The following ZNF407 variants were observed in gnomAD, a reference collection of about 807,000 sequenced individuals.
ZNF407 encodes zinc finger protein 407.
A neutral mutation model predicts 131.2 loss-of-function variants in ZNF407; 17 were observed. The observed-to-expected ratio is 0.13, with a 90% CI of 0.09 to 0.19. The LOEUF is 0.19. Among genes scored for constraint, ZNF407 ranks in the 10% least tolerant of loss-of-function variants. The pLI is 1.00. For synonymous variants in ZNF407, 1,156 were observed against 1,062.0 expected, an observed-to-expected ratio of 1.09 and a Z score of -1.72; for missense variants, 2,681 against 2,830.6, an observed-to-expected ratio of 0.95 and a Z score of 1.20.
chr18:74,637,112 A>T (rs944652502), intron 2 of ZNF407, among the ~76,000 whole-genome samples: 1 of 152,222 alleles, frequency 6.6e-6, no homozygotes, highest in Non-Finnish European at 1.5e-5. Flanking sequence ...ATTATAGTCA[A>T]TAAGTCTTGT....
chr18:74,969,171 G>A (rs747014223), intron 8 of ZNF407, among the ~76,000 whole-genome samples: 14 of 152,094 alleles, frequency 9.2e-5, no homozygotes, highest in Admixed American at 1.3e-4. Flanking sequence ...TTTGTTTCAC[G>A]AGAGTTTATA....
Position 75,063,897 on chromosome 18 carries a change from T to C in ZNF407, c.6176T>C (p.Val2059Ala). The change falls in exon 9 of 9, where the codon GTG becomes GCG. Residue 2059 changes from valine (V) to alanine (A), a missense_variant. Physicochemically the swap from Val to Ala is moderately conservative, Grantham distance 64. Coordinates refer to ENST00000299687, the MANE Select transcript of ZNF407 (RefSeq NM_017757.3). This position sits in a 1 kb window ranked among gnomAD's most constrained non-coding sequence, Gnocchi z 6.6. ...SPAAVEVLTQ[V>A]VHPSAAMASQ... Reference sequence around the variant, plus strand: ...GCCGCCGTGGAGGTGCTCACCCAGGTGGTCCATCCCTCAGCAGCCATGGCC... The same window carrying C: ...GCCGCCGTGGAGGTGCTCACCCAGGCGGTCCATCCCTCAGCAGCCATGGCC... The C allele has an allele frequency of 1.2e-6, 2 of 1,612,998 alleles. No homozygotes were observed. Among genetic ancestry groups the C allele is most frequent in the Non-Finnish European group, 1.7e-6 (2 of 1,179,768 alleles).
chr18:74,602,651 T>C (rs1054027362), intron 1 of ZNF407, among the ~76,000 whole-genome samples: 2 of 152,174 alleles, frequency 1.3e-5, no homozygotes, highest in Admixed American at 6.5e-5. Flanking sequence ...TTAGGATAAA[T>C]AGCTTGTGCA....
chr18:75,008,095 T>C (rs909257873), intron 8 of ZNF407, among the ~76,000 whole-genome samples: 4 of 152,038 alleles, frequency 2.6e-5, no homozygotes, highest in Non-Finnish European at 4.4e-5. Context: ...TGGGAGTGAA[T>C]TGGGAAGTTC....
intron 8 of ZNF407, among the ~76,000 whole-genome samples, chr18:75,031,587 C>A (rs1973241054): frequency 6.6e-6 from 1 of 152,184 alleles, no homozygotes; most frequent in Admixed American, 6.5e-5. Context: ...ATTAACACAA[C>A]AGTAGTTTTC....
At chr18:74,810,322 T>A (rs1302442757) in intron 4 of ZNF407, among the ~76,000 whole-genome samples, 1 of 150,728 alleles carries the variant, frequency 6.6e-6, no homozygotes, top group Non-Finnish European at 1.5e-5. Flanking sequence ...GCCAAAAGTT[T>A]TAGATTTAAG....
intron 3 of ZNF407, among the ~76,000 whole-genome samples, chr18:74,662,996 A>G (rs1302484472): frequency 6.6e-6 from 1 of 152,212 alleles, no homozygotes; most frequent in Non-Finnish European, 1.5e-5. Flanking sequence ...TTGTTTGTAG[A>G]AGGCAGACGG....
intron 8 of ZNF407, among the ~76,000 whole-genome samples, chr18:75,007,610 T>C (rs76128924): frequency 4.7e-4 from 72 of 152,366 alleles, no homozygotes; most frequent in African/African-American, 1.7e-3. Flanking sequence ...AGTTTTCTTA[T>C]ATGCAAAGTA....
chr18:74,713,066 G>T (rs1373071995), intron 3 of ZNF407, among the ~76,000 whole-genome samples: 1 of 152,148 alleles, frequency 6.6e-6, no homozygotes, highest in Admixed American at 6.5e-5. Context: ...TAGATACTTG[G>T]CCTTATTGAT....
intron 3 of ZNF407, among the ~76,000 whole-genome samples, chr18:74,724,905 C>T (rs761775981): frequency 6.6e-6 from 1 of 152,194 alleles, no homozygotes; most frequent in African/African-American, 2.4e-5. Context: ...GTTGTTATTA[C>T]ACACAATTAA....
Position 75,063,697 on chromosome 18 carries a change from G to T in ZNF407, c.5976G>T (p.Leu1992Phe), listed in dbSNP as rs1487061823. The change falls in exon 9 of 9, where the codon TTG (leucine) becomes TTT (phenylalanine). Residue 1992 changes from leucine to phenylalanine, a missense_variant. Leu to Phe is a conservative substitution (Grantham distance 22). Transcript: ENST00000299687. The surrounding 1 kb of genome is among the most constrained non-coding windows in gnomAD (Gnocchi z 6.6). ...PPEASSALDA[L>F]LCAVTELGEV... ...AGGCATCCTCAGCCCTGGATGCATTGCTCTGTGCGGTCACTGAATTAGGGG... is the reference window on the plus strand; with the variant it reads ...AGGCATCCTCAGCCCTGGATGCATTTCTCTGTGCGGTCACTGAATTAGGGG... 1 of 1,612,036 alleles carries T rather than the reference G, an allele frequency of 6.2e-7. No homozygotes were observed. Among genetic ancestry groups the T allele is most frequent in the African/African-American group, 1.3e-5 (1 of 75,030 alleles).
At chr18:75,050,755 C>G (rs1973491153) in intron 8 of ZNF407, among the ~76,000 whole-genome samples, 1 of 152,198 alleles carries the variant, frequency 6.6e-6, no homozygotes, top group Non-Finnish European at 1.5e-5. Flanking sequence ...GCTGATTTCT[C>G]TAGAAACATC....
At chr18:74,862,366 T>A (rs1030626484) in intron 4 of ZNF407, among the ~76,000 whole-genome samples, 1 of 152,204 alleles carries the variant, frequency 6.6e-6, no homozygotes, top group Admixed American at 6.5e-5. Context: ...TAGCCAGATA[T>A]GTCTGGGAGC....
At chr18:74,856,158 T>C (rs1970856509) in intron 4 of ZNF407, among the ~76,000 whole-genome samples, 1 of 152,232 alleles carries the variant, frequency 6.6e-6, no homozygotes, top group Non-Finnish European at 1.5e-5. Flanking sequence ...AGATGCAGAT[T>C]TTTCTTAGAT....
chr18:75,060,498 TC>T (rs1973614914), intron 8 of ZNF407, among the ~76,000 whole-genome samples: 1 of 71,694 alleles, frequency 1.4e-5, no homozygotes, highest in East Asian at 4.7e-4. Context: ...TTCTTTTTTT[TC>T]TTTTTTTCTT....
At chr18:74,886,553 A>G (rs1244807404) in intron 6 of ZNF407, among the ~76,000 whole-genome samples, 1 of 152,208 alleles carries the variant, frequency 6.6e-6, no homozygotes, top group Non-Finnish European at 1.5e-5. Flanking sequence ...ATAATGGAAT[A>G]CTACTCTGCA....
chr18:74,890,534 T>C (rs998462077), intron 7 of ZNF407, among the ~76,000 whole-genome samples: 13 of 152,256 alleles, frequency 8.5e-5, no homozygotes, highest in Admixed American at 5.9e-4. Flanking sequence ...TTTATACTTT[T>C]ATCTTACAAC....
chr18:74,789,230 G>T (rs1486183391), intron 4 of ZNF407, among the ~76,000 whole-genome samples: 1 of 152,094 alleles, frequency 6.6e-6, no homozygotes, highest in Non-Finnish European at 1.5e-5. Flanking sequence ...AGTCCCTCTC[G>T]AAGGGCCTTG....
At chr18:74,751,331 G>C (rs562891518) in intron 3 of ZNF407, among the ~76,000 whole-genome samples, 1 of 151,904 alleles carries the variant, frequency 6.6e-6, no homozygotes, top group Non-Finnish European at 1.5e-5. Context: ...GGCTACGCAC[G>C]TCTCAATACC....
Sources: gnomAD v4.1 joint callset for allele counts (sites outside exome capture counted in the v4.1 genomes callset) on GRCh38, gnomAD v4.1.1 for gene constraint, Gnocchi (gnomAD v3.1) non-coding constraint, MANE v1.5 for transcripts, NCBI Gene and HGNC (gene_info 2026-07-23, HGNC 2026-07-21) for gene names.